Variants in SSBP2 observed in about 807,000 individuals in gnomAD.
SSBP2 encodes single-stranded DNA-binding protein 2.
A neutral mutation model predicts 61.8 loss-of-function variants in SSBP2; 17 were observed. That is an observed-to-expected ratio of 0.28 (90% CI 0.19 to 0.41). The LOEUF is 0.41. Among genes scored for constraint, SSBP2 ranks in the 10% least tolerant of loss-of-function variants. SSBP2 has a pLI of 1.00. For synonymous variants in SSBP2, 139 were observed against 141.3 expected (o/e 0.98, Z 0.12); for missense variants, 310 against 458.7 (o/e 0.68, Z 2.96).
intron 12 of SSBP2, among the ~76,000 whole-genome samples, chr5:81,444,015 A>T (rs1463758390): frequency 6.6e-6 from 1 of 152,186 alleles, no homozygotes; most frequent in Non-Finnish European, 1.5e-5. Flanking sequence ...TAATAAGTTT[A>T]TTATTTTAGT....
intron 4 of SSBP2, among the ~76,000 whole-genome samples, chr5:81,597,780 T>C (rs1479777743): frequency 6.9e-6 from 1 of 144,688 alleles, no homozygotes; most frequent in Non-Finnish European, 1.5e-5. Flanking sequence ...ACACCGCATG[T>C]TCTCACTCAT....
chr5:81,581,774 G>A (rs1489410129), intron 4 of SSBP2, among the ~76,000 whole-genome samples: 1 of 152,092 alleles, frequency 6.6e-6, no homozygotes, highest in Non-Finnish European at 1.5e-5. Flanking sequence ...CTCAATTTAA[G>A]CAAGGATATG....
chr5:81,556,609 T>C (rs1331986016), intron 4 of SSBP2, among the ~76,000 whole-genome samples: 2 of 152,128 alleles, frequency 1.3e-5, no homozygotes, highest in African/African-American at 4.8e-5. Context: ...GGGTCCTTTA[T>C]TTACTTTTAC....
At chr5:81,532,864 T>C (rs909928548) in intron 4 of SSBP2, among the ~76,000 whole-genome samples, 1 of 151,936 alleles carries the variant, frequency 6.6e-6, no homozygotes, top group Non-Finnish European at 1.5e-5. Context: ...GTTTTATATC[T>C]AACTAATAAG....
intron 4 of SSBP2, among the ~76,000 whole-genome samples, chr5:81,609,939 A>C (rs1745281535): frequency 6.6e-6 from 1 of 152,126 alleles, no homozygotes; most frequent in African/African-American, 2.4e-5. Context: ...CCAGGTATTC[A>C]ACCACCCTTG....
intron 3 of SSBP2, among the ~76,000 whole-genome samples, chr5:81,631,443 T>C (rs1310301148): frequency 1.3e-5 from 2 of 149,986 alleles, no homozygotes; most frequent in Non-Finnish European, 3.0e-5. Flanking sequence ...GTGTAAACCG[T>C]ACTGAGTAAG....
intron 10 of SSBP2, among the ~76,000 whole-genome samples, chr5:81,453,423 C>T (rs1763909785): frequency 1.3e-5 from 2 of 149,626 alleles, no homozygotes; most frequent in Admixed American, 6.7e-5. Flanking sequence ...GTAGCAGATG[C>T]AGTGATTAGG....
chr5:81,573,053 AT>A (rs1348794356), intron 4 of SSBP2, among the ~76,000 whole-genome samples: 2 of 152,108 alleles, frequency 1.3e-5, no homozygotes, highest in African/African-American at 2.4e-5. Flanking sequence ...ATTTATATGT[AT>A]TTTTTTCAAA....
At chr5:81,480,136 A>G (rs1765876425) in intron 6 of SSBP2, among the ~76,000 whole-genome samples, 2 of 152,234 alleles carry the variant, frequency 1.3e-5, no homozygotes, top group Non-Finnish European at 2.9e-5. Context: ...GAAATAGTAT[A>G]AAAATTTATT....
At chr5:81,435,952 C>T (rs1762644461) in intron 15 of SSBP2, among the ~76,000 whole-genome samples, 1 of 152,184 alleles carries the variant, frequency 6.6e-6, no homozygotes, top group East Asian at 1.9e-4. Context: ...CTCTGGGAGG[C>T]CGAGACGGGT....
Position 81,684,572 on chromosome 5 carries a change from G to T in SSBP2, c.63-34233C>A, listed in dbSNP as rs372761453. Among the ~76,000 whole-genome samples the T allele has an allele frequency of 1.4e-4, 22 of 152,232 alleles. No individual in the cohort carries two copies. The East Asian group carries it at 3.7e-3, about 25-fold the overall frequency. ...GTTGTGAGACACGGAGTCAAAGGAG[G>T]TTATTTGGGAGCTTTAAGATTTAAT... On this transcript the variant is annotated intron_variant, in intron 1 of 16. Transcript: ENST00000320672.
In SSBP2 at chr5:81,736,143, A is replaced by AACACACAC. The variant is rs58588638; in HGVS notation, c.62+14830_62+14837dup. ...TTCCAAAAACATCCTACTACCCTGA[A>AACACACAC]ACACACACACACACACACACACACA... On this transcript the variant is annotated intron_variant, in intron 1 of 16. Transcript: ENST00000320672. 4.5e-3 allele frequency among the ~76,000 whole-genome samples: 340 copies of AACACACAC among 75,368 alleles called. 2 individuals carry two copies. The highest frequency in any genetic ancestry group is 0.01 in the South Asian group (23 of 2,286). 49.4% of individuals were successfully genotyped at this position (75,368 alleles called of 152,430 possible). A position where few individuals can be genotyped will look rare whatever the true frequency, so the allele number is the denominator to read the frequency against.
intron 6 of SSBP2, among the ~76,000 whole-genome samples, chr5:81,488,483 A>C (rs1766600601): frequency 6.6e-6 from 1 of 152,012 alleles, no homozygotes; most frequent in South Asian, 2.1e-4. Context: ...GATATTGAGC[A>C]CCTTTTCATA....
In SSBP2 at chr5:81,416,252, A is replaced by G. The variant is rs1239152282; in HGVS notation, c.*4252T>C. 6.6e-6 allele frequency: 1 copy of G among 152,258 alleles called. No individual in the cohort carries two copies. The highest frequency in any genetic ancestry group is 2.4e-5 in the African/African-American group (1 of 41,392). 9.4% of individuals were successfully genotyped at this position (152,258 alleles called of 1,614,324 possible). A position where few individuals can be genotyped will look rare whatever the true frequency, so the allele number is the denominator to read the frequency against. ...AAAAAAAAATTTAAAAAAAAGGAAA[A>G]CCAGTGTCAAAACACTAAAATGCAT... On this transcript the variant is annotated 3_prime_UTR_variant, in exon 17 of 17. Transcript: ENST00000320672.
intron 5 of SSBP2, among the ~76,000 whole-genome samples, chr5:81,496,997 A>C (rs978794864): frequency 1.3e-5 from 2 of 152,230 alleles, no homozygotes; most frequent in Non-Finnish European, 2.9e-5. Flanking sequence ...TTACCACTCA[A>C]ACATGAAAGG....
chr5:81,688,448 G>A (rs1305753484), intron 1 of SSBP2, among the ~76,000 whole-genome samples: 1 of 152,188 alleles, frequency 6.6e-6, no homozygotes, highest in African/African-American at 2.4e-5. Flanking sequence ...CCAGACAGTG[G>A]TTACCACAGG....
At chr5:81,529,015 C>A (rs1183597000) in intron 4 of SSBP2, among the ~76,000 whole-genome samples, 1 of 151,928 alleles carries the variant, frequency 6.6e-6, no homozygotes, top group African/African-American at 2.4e-5. Flanking sequence ...CCTGTATTCA[C>A]AAATTAAAAA....
intron 1 of SSBP2, among the ~76,000 whole-genome samples, chr5:81,701,889 T>C (rs551612622): frequency 6.6e-6 from 1 of 152,318 alleles, no homozygotes; most frequent in South Asian, 2.1e-4. Flanking sequence ...CAGAACCCTG[T>C]TAACCAACGA....
chr5:81,550,901 C>G (rs1041110033), intron 4 of SSBP2, among the ~76,000 whole-genome samples: 1 of 151,986 alleles, frequency 6.6e-6, no homozygotes, highest in African/African-American at 2.4e-5. Context: ...TCGAGACCAT[C>G]CTGGGTAACA....
Sources: gnomAD v4.1 joint callset for allele counts (sites outside exome capture counted in the v4.1 genomes callset) on GRCh38, gnomAD v4.1.1 for gene constraint, MANE v1.5 for transcripts, NCBI Gene and HGNC (gene_info 2026-07-23, HGNC 2026-07-21) for gene names.